Variants in NUDT16 observed in about 807,000 individuals in gnomAD.
NUDT16 encodes nudix hydrolase 16.
NUDT16 carries 12 observed loss-of-function variants against 11.7 expected under a neutral mutation model. The ratio of observed to expected loss-of-function variants is 1.03; its 90% CI spans 0.66 to 1.67. The LOEUF (loss-of-function observed/expected upper bound fraction) is 1.67, where lower values mean the gene tolerates loss of function less well. NUDT16 is among the 40% of genes most tolerant of loss of function. The probability of loss-of-function intolerance (pLI) is 0.00; values close to 1 mark genes in which losing one functional copy is unlikely to be tolerated. For missense variants in NUDT16, 303 were observed against 268.9 expected, an observed-to-expected ratio of 1.13 and a Z score of -0.89; for synonymous variants, 129 against 122.6, an observed-to-expected ratio of 1.05 and a Z score of -0.35.
chr3:131,382,813 G>A, intron 2 of NUDT16: 1 of 916,300 alleles, frequency 1.1e-6, no homozygotes, highest in Non-Finnish European at 1.5e-6. Context: ...GGGGGGAGAG[G>A]AAACCTGAGA....
chr3:131,381,825 G>C lies in NUDT16; in HGVS notation c.21G>C (p.Leu7=). ...CGGCCATGGCCGGAGCCCGCAGGCT[G>C]GAGCTAGGCGAGGCCCTGGCGCTGG... is the stretch of plus-strand genomic sequence containing the variant. MAGARR[L]ELGEALALGS... Residue 7 remains leucine (L), a synonymous_variant, in exon 1 of 3, where the codon CTG becomes CTC. Coordinates refer to ENST00000521288, the MANE Select transcript of NUDT16 (RefSeq NM_152395.3). 6.3e-7 allele frequency: 1 copy of C among 1,576,048 alleles called. No individual in the cohort carries two copies. The highest frequency in any genetic ancestry group is 1.1e-5 in the South Asian group (1 of 88,334).
chr3:131,381,760 T>C, upstream of NUDT16: 1 of 1,530,176 alleles, frequency 6.5e-7, no homozygotes, highest in Non-Finnish European at 8.7e-7. Flanking sequence ...GACCCGCCCC[T>C]CTGCCCATTG....
In NUDT16 at chr3:131,388,527, GTCTA is replaced by G. The variant is rs1313282774; in HGVS notation, c.*5191_*5194del. 1 of 152,230 alleles carries G rather than the reference GTCTA, an allele frequency of 6.6e-6. No individual in the cohort carries two copies. The highest frequency in any genetic ancestry group is 1.5e-5 in the Non-Finnish European group (1 of 68,038). The allele number at this position is 152,230 out of a possible 1,614,324, so 9.4% of individuals were successfully genotyped here. A position where few individuals can be genotyped will look rare whatever the true frequency, so the allele number is the denominator to read the frequency against. On this transcript the variant is annotated 3_prime_UTR_variant, in exon 3 of 3. Coordinates refer to ENST00000521288, the MANE Select transcript of NUDT16 (RefSeq NM_152395.3). ...TCACTTACTACAGCACAAATTGCAT[GTCTA>G]TCTAAATTGACGTTTAAGTGCAAAA...
upstream of NUDT16, chr3:131,381,690 C>A (rs567604907): frequency 1.4e-5 from 17 of 1,212,232 alleles, no homozygotes; most frequent in African/African-American, 2.3e-4. Context: ...GGTTCCTCCC[C>A]TTATCCCTGC....
intron 2 of NUDT16, 81 bp downstream of exon 2, chr3:131,382,396 G>A (rs1477470389): frequency 1.3e-6 from 2 of 1,581,786 alleles, no homozygotes; most frequent in Non-Finnish European, 1.7e-6. Context: ...AGCATCCCTG[G>A]AGAAAAGTCT....
At position 131,381,893 on chromosome 3, in the gene NUDT16, C is replaced by T. The variant is rs982219334; in HGVS notation, c.89C>T (p.Pro30Leu). 6 of 1,610,410 alleles carry T rather than the reference C, an allele frequency of 3.7e-6. No individual in the cohort carries two copies. Among genetic ancestry groups the T allele is most frequent in the South Asian group, 1.1e-5 (1 of 91,004 alleles). ...RHACHALLYAPDPGMLFGRIP... is the reference protein window; with the variant it reads ...RHACHALLYALDPGMLFGRIP... Reference sequence around the variant, plus strand: ...GCGTGCCACGCTCTCCTCTACGCGCCGGACCCTGGGATGCTCTTCGGCCGC... The same window carrying T: ...GCGTGCCACGCTCTCCTCTACGCGCTGGACCCTGGGATGCTCTTCGGCCGC... Residue 30 changes from proline to leucine, a missense_variant, in exon 1 of 3, where the codon CCG (proline) becomes CTG (leucine). Coordinates refer to ENST00000521288, the MANE Select transcript of NUDT16 (RefSeq NM_152395.3).
In NUDT16 at chr3:131,381,924, G is replaced by A. The variant is rs2097455517; in HGVS notation, c.120G>A (p.Pro40=). ...CTGGGATGCTCTTCGGCCGCATCCCGCTGCGCTACGCCATACTGGTGAGAA... is the reference window on the plus strand; with the variant it reads ...CTGGGATGCTCTTCGGCCGCATCCCACTGCGCTACGCCATACTGGTGAGAA... ...PDPGMLFGRI[P]LRYAILMQMR... The change falls in exon 1 of 3, where the codon CCG becomes CCA. Residue 40 remains proline, a synonymous_variant. Transcript: ENST00000521288. The A allele has an allele frequency of 6.2e-7, 1 of 1,611,780 alleles. No homozygotes were observed. Among genetic ancestry groups the A allele is most frequent in the African/African-American group, 1.3e-5 (1 of 75,034 alleles).
rs527720651 is a variant in NUDT16, at chr3:131,382,049, C to G, written c.142C>G (p.Gln48Glu). The G allele has an allele frequency of 5.7e-6, 9 of 1,581,592 alleles. No individual in the cohort carries two copies. Among genetic ancestry groups the G allele is most frequent in the Non-Finnish European group, 6.0e-6 (7 of 1,161,832 alleles). Residue 48 changes from glutamine (Q) to glutamate (E), a missense_variant, in exon 2 of 3, where the codon CAG (glutamine) becomes GAG (glutamate). Physicochemically the swap from Gln to Glu is conservative, Grantham distance 29 (BLOSUM62 2). Coordinates refer to ENST00000521288, the MANE Select transcript of NUDT16 (RefSeq NM_152395.3). ...TCCCCGCTTCCCCCTCCCGCAGATG[C>G]AGATGCGCTTCGATGGACGCCTGGG... ...RIPLRYAILM[Q>E]MRFDGRLGFP...
chr3:131,381,719 C>T, upstream of NUDT16: 2 of 1,438,836 alleles, frequency 1.4e-6, no homozygotes, highest in Non-Finnish European at 1.9e-6. Flanking sequence ...GGCCTTGCAG[C>T]ACCGCCCAGG....
In NUDT16 at chr3:131,385,008, GT is replaced by G; in HGVS notation, c.*1671del. On this transcript the variant is annotated 3_prime_UTR_variant, in exon 3 of 3. Coordinates refer to ENST00000521288, the MANE Select transcript of NUDT16 (RefSeq NM_152395.3). Reference sequence around the variant, plus strand: ...TGGGTACACTTACTGCAGTGTTGGGGTTTTGCCAGGGAAGTAAAAGGAGTTG... The same window carrying G: ...TGGGTACACTTACTGCAGTGTTGGGGTTTGCCAGGGAAGTAAAAGGAGTTG... 6.6e-6 allele frequency: 1 copy of G among 152,480 alleles called. No individual in the cohort carries two copies. Among genetic ancestry groups the G allele is most frequent in the Non-Finnish European group, 1.5e-5 (1 of 68,228 alleles). 9.4% of individuals were successfully genotyped at this position (152,480 alleles called of 1,614,324 possible). A position where few individuals can be genotyped will look rare whatever the true frequency, so the allele number is the denominator to read the frequency against.
chr3:131,381,888 C>A lies in NUDT16; in HGVS notation c.84C>A (p.Tyr28Ter). The part of the protein sequence containing the change: ...GWRHACHALL[Y>*]APDPGMLFGR... ...GTCATGCGTGCCACGCTCTCCTCTACGCGCCGGACCCTGGGATGCTCTTCG... is the reference window on the plus strand; with the variant it reads ...GTCATGCGTGCCACGCTCTCCTCTAAGCGCCGGACCCTGGGATGCTCTTCG... The change falls in exon 1 of 3, where the codon TAC becomes TAA. Residue 28 changes from tyrosine to a stop codon, truncating the protein, a stop_gained. Transcript: ENST00000521288. LOFTEE classifies it high-confidence loss of function. 6.2e-7 allele frequency: 1 copy of A among 1,609,844 alleles called. No homozygotes were observed. Among genetic ancestry groups the A allele is most frequent in the South Asian group, 1.1e-5 (1 of 90,994 alleles).
chr3:131,383,009 A>C lies in NUDT16; in HGVS notation c.409-153A>C, dbSNP rs565414784. On this transcript the variant is annotated intron_variant, in intron 2 of 2. Coordinates refer to ENST00000521288, the MANE Select transcript of NUDT16 (RefSeq NM_152395.3). This position sits in a 1 kb window ranked among gnomAD's most constrained non-coding sequence, Gnocchi z 4.4. ...TATGTTTTGGGTCATTTTCCTGCAG[A>C]AGGTTGGGCCACTAGGCTTTAGTGA... 42 of 806,732 alleles carry C rather than the reference A, an allele frequency of 5.2e-5. No individual in the cohort carries two copies. The highest frequency in any genetic ancestry group is 7.8e-5 in the Admixed American group (3 of 38,656). 50.0% of individuals were successfully genotyped at this position (806,732 alleles called of 1,614,324 possible). A position where few individuals can be genotyped will look rare whatever the true frequency, so the allele number is the denominator to read the frequency against.
chr3:131,382,770 T>G, intron 2 of NUDT16: 1 of 1,266,076 alleles, frequency 7.9e-7, no homozygotes, highest in Non-Finnish European at 1.0e-6. Context: ...AAAATAGCGA[T>G]TTCTCTCAGC....
chr3:131,383,087 C>G lies in NUDT16; in HGVS notation c.409-75C>G. ...GGAGTATTAAGGGGTGAGGCCTGAT[C>G]TGCTGGAGAAAGGATGGAGTTAAGG... On this transcript the variant is annotated intron_variant, in intron 2 of 2. Transcript: ENST00000521288. The surrounding 1 kb of genome is among the most constrained non-coding windows in gnomAD (Gnocchi z 4.4). 1.3e-6 allele frequency: 2 copies of G among 1,499,860 alleles called. No individual in the cohort carries two copies. The highest frequency in any genetic ancestry group is 2.5e-5 in the South Asian group (2 of 79,412). The allele number at this position is 1,499,860 out of a possible 1,614,324, so 92.9% of individuals were successfully genotyped here. A position where few individuals can be genotyped will look rare whatever the true frequency, so the allele number is the denominator to read the frequency against.
At position 131,383,328 on chromosome 3, in the gene NUDT16, C is replaced by G. The variant is rs764364663; in HGVS notation, c.575C>G (p.Pro192Arg). The G allele has an allele frequency of 9.3e-6, 15 of 1,613,986 alleles. No individual in the cohort carries two copies. Among genetic ancestry groups the G allele is most frequent in the Non-Finnish European group, 1.3e-5 (15 of 1,180,028 alleles). ...GGCTCTATTTCAGGCCTTAAGATTC[C>G]AGCTCATCACTAGAGGCAGCCCTCC... ...QSGSISGLKI[P>R]AHH The change falls in exon 3 of 3, where the codon CCA (proline) becomes CGA (arginine). Residue 192 changes from proline (P) to arginine (R), a missense_variant. By Grantham distance (103) the Pro-to-Arg change is moderately radical (BLOSUM62 -2). Transcript: ENST00000521288. This position sits in a 1 kb window ranked among gnomAD's most constrained non-coding sequence, Gnocchi z 4.4.
chr3:131,383,413 G>C lies in NUDT16; in HGVS notation c.*72G>C. ...ACTAGGGAGGGAGGGAAGGACGTGG[G>C]AATGTTTTCTTATTGGATCTGAGAG... On this transcript the variant is annotated 3_prime_UTR_variant, in exon 3 of 3. Coordinates refer to ENST00000521288, the MANE Select transcript of NUDT16 (RefSeq NM_152395.3). This position sits in a 1 kb window ranked among gnomAD's most constrained non-coding sequence, Gnocchi z 4.4. 5 of 1,592,374 alleles carry C rather than the reference G, an allele frequency of 3.1e-6. No homozygotes were observed. The South Asian group carries it at 4.5e-5, about 14-fold the overall frequency.
Position 131,381,851 on chromosome 3 carries a change from G to A in NUDT16, c.47G>A (p.Gly16Glu), listed in dbSNP as rs756787462. 1.1e-5 allele frequency: 18 copies of A among 1,599,034 alleles called. No homozygotes were observed. The highest frequency in any genetic ancestry group is 1.4e-5 in the Non-Finnish European group (17 of 1,177,412). Residue 16 changes from glycine (G) to glutamate (E), a missense_variant, in exon 1 of 3, where the codon GGG becomes GAG. By Grantham distance (98) the Gly-to-Glu change is moderately conservative (BLOSUM62 -2). Transcript: ENST00000521288. ...RLELGEALALGSGWRHACHAL... is the reference protein window; with the variant it reads ...RLELGEALALESGWRHACHAL... ...GAGCTAGGCGAGGCCCTGGCGCTGG[G>A]GTCGGGCTGGCGTCATGCGTGCCAC...
chr3:131,381,712 C>A, upstream of NUDT16: 1 of 1,395,092 alleles, frequency 7.2e-7, no homozygotes. Flanking sequence ...GGGATTGGGC[C>A]TTGCAGCACC....
chr3:131,386,842 CT>C lies in NUDT16; in HGVS notation c.*3502del, dbSNP rs1353787791. The C allele has an allele frequency of 6.6e-6, 1 of 152,228 alleles. No individual in the cohort carries two copies. The highest frequency in any genetic ancestry group is 1.5e-5 in the Non-Finnish European group (1 of 68,072). 9.4% of individuals were successfully genotyped at this position (152,228 alleles called of 1,614,324 possible). ...GAGGCAACAGTGACTTCCTCCTTTC[CT>C]AGTTACCGGAACCCTTAGAGCTGGG... On this transcript the variant is annotated 3_prime_UTR_variant, in exon 3 of 3. Coordinates refer to ENST00000521288, the MANE Select transcript of NUDT16 (RefSeq NM_152395.3).
Sources: allele counts gnomAD v4.1 joint callset, GRCh38; gene constraint gnomAD v4.1.1; non-coding constraint Gnocchi (gnomAD v3.1); transcripts MANE v1.5; gene names NCBI Gene and HGNC (gene_info 2026-07-23, HGNC 2026-07-21).